STX16: variants seen among roughly 807,000 people sequenced by gnomAD.
The protein encoded by STX16 is syntaxin 16.
In STX16, 28 loss-of-function variants were observed where a neutral mutation model predicts 42.7. The ratio of observed to expected loss-of-function variants is 0.66; its 90% CI spans 0.49 to 0.90. STX16 has a LOEUF of 0.90. Among genes scored for constraint, STX16 ranks in the 40% least tolerant of loss-of-function variants. The probability of loss-of-function intolerance (pLI) is 0.00; values close to 1 mark genes in which losing one functional copy is unlikely to be tolerated. For synonymous variants in STX16, 156 were observed against 155.2 expected (o/e 1.00, Z -0.04); for missense variants, 361 against 420.9 (o/e 0.86, Z 1.24).
At chr20:58,661,668 A>G (rs2083703561) in intron 2 of STX16, among the ~76,000 whole-genome samples, 1 of 152,116 alleles carries the variant, frequency 6.6e-6, no homozygotes, top group Non-Finnish European at 1.5e-5. Context: ...TTGTCGGATC[A>G]CTCAGCTGGT....
intron 1 of STX16, chr20:58,652,371 A>ACCCCCCCCCCCCCCCCCCC (rs11481928): frequency 5.2e-5 from 24 of 462,060 alleles, no homozygotes; most frequent in Admixed American, 2.0e-4. Flanking sequence ...CTTCCGCAGC[A>ACCCCCCCCCCCCCCCCCCC]CCCCCCCCCC....
intron 2 of STX16, among the ~76,000 whole-genome samples, chr20:58,666,459 G>T: frequency 7.7e-6 from 1 of 129,488 alleles, no homozygotes. Flanking sequence ...ACAGAGTTTC[G>T]CTCTTGTTGC....
Position 58,667,999 on chromosome 20 carries a change from G to A in STX16, c.265G>A (p.Val89Ile). ...VDGVDEIQYD[V>I]GRIKQKMKEL... ...TTCATTTGCTTAGATTCAGTATGAT[G>A]TTGGCCGGATTAAGCAGAAGATGAA... The change falls in exon 4 of 9, where the codon GTT becomes ATT. Residue 89 changes from valine to isoleucine, a missense_variant. Physicochemically the swap from Val to Ile is conservative, Grantham distance 29. Transcript: ENST00000371141. 3 of 1,614,238 alleles carry A rather than the reference G, an allele frequency of 1.9e-6. No individual in the cohort carries two copies. The highest frequency in any genetic ancestry group is 2.5e-6 in the Non-Finnish European group (3 of 1,180,052).
intron 5 of STX16, 143 bp from the exon 6 acceptor site, chr20:58,670,369 A>G (rs4810142): frequency 1.1e-5 from 7 of 623,364 alleles, no homozygotes; most frequent in Non-Finnish European, 2.0e-5. Context: ...CTCCACCCCC[A>G]TTGGAGATAG....
intron 8 of STX16, 47 bp from the exon 9 acceptor site, chr20:58,676,136 ATTTG>A (rs1350598162): frequency 1.3e-6 from 2 of 1,516,272 alleles, no homozygotes; most frequent in African/African-American, 2.7e-5. Flanking sequence ...GTGGGACTTG[ATTTG>A]GGATTTTGGG....
intron 1 of STX16, 84 bp from the exon 2 acceptor site, chr20:58,659,539 C>A: frequency 4.9e-6 from 7 of 1,427,282 alleles, no homozygotes; most frequent in Non-Finnish European, 6.7e-6. Flanking sequence ...ACTGACCATG[C>A]CTTGTCTGTC....
Position 58,677,662 on chromosome 20 carries a change from A to G in STX16, c.*1371A>G, listed in dbSNP as rs755145566. 6.6e-6 allele frequency: 1 copy of G among 152,180 alleles called. No homozygotes were observed. Among genetic ancestry groups the G allele is most frequent in the African/African-American group, 2.4e-5 (1 of 41,450 alleles). 9.4% of individuals were successfully genotyped at this position (152,180 alleles called of 1,614,324 possible). A position where few individuals can be genotyped will look rare whatever the true frequency, so the allele number is the denominator to read the frequency against. On this transcript the variant is annotated 3_prime_UTR_variant, in exon 9 of 9. Coordinates refer to ENST00000371141, the MANE Select transcript of STX16 (RefSeq NM_001001433.3). ...TTTCCATTGTTTTTGCTTCTCTTAA[A>G]AAGTTTAAGAAGAATATGACCTCAT... is the stretch of plus-strand genomic sequence containing the variant.
In STX16 at chr20:58,676,358, C is replaced by T; in HGVS notation, c.*67C>T. The stretch of plus-strand genomic sequence containing the variant: ...CGGGTGTGAGGGGCTTGGCCTGCGC[C>T]CCGCCAGCTGCCCGCAGAGGTGCAG... On this transcript the variant is annotated 3_prime_UTR_variant, in exon 9 of 9. Coordinates refer to ENST00000371141, the MANE Select transcript of STX16 (RefSeq NM_001001433.3). 1.4e-6 allele frequency: 2 copies of T among 1,431,892 alleles called. No homozygotes were observed. The highest frequency in any genetic ancestry group is 2.3e-5 in the East Asian group (1 of 43,822). 88.7% of individuals were successfully genotyped at this position (1,431,892 alleles called of 1,614,324 possible).
intron 4 of STX16, among the ~76,000 whole-genome samples, 153 bp from the exon 5 acceptor site, chr20:58,669,138 T>C (rs1413580557): frequency 6.6e-6 from 1 of 152,260 alleles, no homozygotes; most frequent in Non-Finnish European, 1.5e-5. Flanking sequence ...TGTATATAAA[T>C]GAAGCCACAG....
rs995099200 is a variant in STX16 at position 58,657,326 on chromosome 20, T to C, written c.133-2297T>C. Among the ~76,000 whole-genome samples the C allele has an allele frequency of 1.3e-5, 2 of 152,228 alleles. No individual in the cohort carries two copies. The highest frequency in any genetic ancestry group is 2.9e-5 in the Non-Finnish European group (2 of 68,040). ...TACTTGCTTTTCTGCTTTTAAAGAT[T>C]CCATGGGAGCAGTGAGGCTTACTTT... On this transcript the variant is annotated intron_variant, in intron 1 of 8. Transcript: ENST00000371141. The surrounding 1 kb of genome is among the most constrained non-coding windows in gnomAD (Gnocchi z 4.2).
At chr20:58,676,065 G>A in intron 8 of STX16, 122 bp from the exon 9 acceptor site, 1 of 740,778 alleles carries the variant, frequency 1.3e-6, no homozygotes, top group South Asian at 1.7e-5. Context: ...CAATCATGTA[G>A]CCTGTAGCAG....
intron 2 of STX16, among the ~76,000 whole-genome samples, chr20:58,663,509 G>A (rs1055123352): frequency 1.3e-5 from 2 of 152,140 alleles, no homozygotes; most frequent in African/African-American, 4.8e-5. Flanking sequence ...GATTTTTTCT[G>A]CATTTCTCTC....
rs551593671 is a variant in STX16 at position 58,651,284 on chromosome 20, G to C, written c.-723G>C. 1 of 153,036 alleles carries C rather than the reference G, an allele frequency of 6.5e-6. No homozygotes were observed. The highest frequency in any genetic ancestry group is 1.9e-4 in the East Asian group (1 of 5,180). The allele number at this position is 153,036 out of a possible 1,614,324, so 9.5% of individuals were successfully genotyped here. ...ACGGTCCGGGGCTGAGCTGCAGTCAGATCCGGGGATGGAGGGAGCCGGAGA... is the reference window on the plus strand; with the variant it reads ...ACGGTCCGGGGCTGAGCTGCAGTCACATCCGGGGATGGAGGGAGCCGGAGA... On this transcript the variant is annotated 5_prime_UTR_variant, in exon 1 of 9. Coordinates refer to ENST00000371141, the MANE Select transcript of STX16 (RefSeq NM_001001433.3).
rs146333716 is a variant in STX16, at chr20:58,670,549, C to T, written c.594C>T (p.Phe198=). 1.9e-4 allele frequency: 303 copies of T among 1,613,822 alleles called. No homozygotes were observed. Among genetic ancestry groups the T allele is most frequent in the African/African-American group, 1.1e-3 (84 of 74,982 alleles). The change falls in exon 6 of 9, where the codon TTC becomes TTT. Residue 198 remains phenylalanine (F), a synonymous_variant. Transcript: ENST00000371141. ...GAGAGGAAAGATCCCAGCATTTTTT[C>T]GACACATCAGTACCACTAATGGATG... ...KNREERSQHF[F]DTSVPLMDDG... is the part of the protein sequence containing the mutation.
chr20:58,653,886 GT>G (rs1225340154), intron 1 of STX16, among the ~76,000 whole-genome samples: 2 of 150,844 alleles, frequency 1.3e-5, no homozygotes, highest in Non-Finnish European at 3.0e-5. Context: ...AAGTCAGACA[GT>G]TTAAAAACCT....
intron 1 of STX16, among the ~76,000 whole-genome samples, chr20:58,658,072 C>G (rs1171409357): frequency 6.6e-6 from 1 of 152,162 alleles, no homozygotes; most frequent in East Asian, 1.9e-4. Context: ...CACCTCTTAT[C>G]AACTAATAAT....
chr20:58,673,472 A>AG (rs1261804549), intron 7 of STX16, among the ~76,000 whole-genome samples, 159 bp from the exon 8 acceptor site: 1 of 152,166 alleles, frequency 6.6e-6, no homozygotes, highest in East Asian at 1.9e-4. Context: ...ACACTGCTTG[A>AG]GGGTGAACTC....
At chr20:58,656,607 G>T (rs1312996316) in intron 1 of STX16, among the ~76,000 whole-genome samples, 1 of 152,204 alleles carries the variant, frequency 6.6e-6, no homozygotes, top group Non-Finnish European at 1.5e-5. Context: ...CTTTGTTAGT[G>T]TTTACTGCCT....
rs1427466218 is a variant in STX16, at chr20:58,667,147, A to G, written c.145-343A>G. 46 of 394,014 alleles carry G rather than the reference A, an allele frequency of 1.2e-4. No individual in the cohort carries two copies. In the Admixed American group the frequency reaches 1.5e-3, roughly 13 times the overall value. 24.4% of individuals were successfully genotyped at this position (394,014 alleles called of 1,614,324 possible). A position where few individuals can be genotyped will look rare whatever the true frequency, so the allele number is the denominator to read the frequency against. On this transcript the variant is annotated intron_variant, in intron 2 of 8. Transcript: ENST00000371141. ...GCCGTTCTATCACAGTACTAGTAGT[A>G]AGAGGTCTTTATTTTAAGGATCTTT...
Sources: gnomAD v4.1 joint callset for allele counts (sites outside exome capture counted in the v4.1 genomes callset) on GRCh38, gnomAD v4.1.1 for gene constraint, Gnocchi (gnomAD v3.1) non-coding constraint, MANE v1.5 for transcripts, NCBI Gene and HGNC (gene_info 2026-07-23, HGNC 2026-07-21) for gene names.